Variants in OCA2 observed in about 807,000 individuals in gnomAD.
OCA2 encodes the protein P protein.
OCA2 carries 77 observed loss-of-function variants against 100.2 expected under a neutral mutation model. The observed-to-expected ratio is 0.77, with a 90% CI of 0.64 to 0.93. The LOEUF (loss-of-function observed/expected upper bound fraction) is 0.93, where lower values mean the gene tolerates loss of function less well. OCA2 is among the 40% of genes least tolerant of loss of function. The pLI, the probability that OCA2 is intolerant of heterozygous loss-of-function variation, is 0.00. For missense variants in OCA2, 1,062 were observed against 1,089.1 expected (o/e 0.98, Z 0.35); for synonymous variants, 432 against 439.2 (o/e 0.98, Z 0.21).
chr15:27,842,853 A>G (rs1326077639), intron 23 of OCA2, among the ~76,000 whole-genome samples: 2 of 152,220 alleles, frequency 1.3e-5, no homozygotes, highest in Non-Finnish European at 2.9e-5. Context: ...TAGGTGTGTC[A>G]CACACTGCAC....
intron 2 of OCA2, among the ~76,000 whole-genome samples, chr15:28,037,703 T>C (rs1462797006): frequency 6.6e-6 from 1 of 152,204 alleles, no homozygotes; most frequent in East Asian, 1.9e-4. Context: ...ATGATAACCC[T>C]GAAGGTAGAT....
At position 27,985,132 on chromosome 15, in the gene OCA2, G is replaced by A. The variant is rs768785628; in HGVS notation, c.1296C>T (p.Ile432=). ...CCAAGAAGGCAGAGAGGACGGCCGC[G>A]ATGAGACAGAGCATGATGATCATGG... The part of the protein sequence containing the change: ...VWAMIIMLCL[I]AAVLSAFLDN... Residue 432 remains isoleucine (I), a synonymous_variant, in exon 13 of 24, where the codon ATC becomes ATT. Coordinates refer to ENST00000354638, the MANE Select transcript of OCA2 (RefSeq NM_000275.3). 5.6e-6 allele frequency: 9 copies of A among 1,613,990 alleles called. No homozygotes were observed. Among genetic ancestry groups the A allele is most frequent in the Middle Eastern group, 1.6e-4 (1 of 6,062 alleles).
chr15:27,819,399 G>A (rs143769452), intron 23 of OCA2, among the ~76,000 whole-genome samples: 2 of 152,344 alleles, frequency 1.3e-5, no homozygotes, highest in East Asian at 3.9e-4. Flanking sequence ...CAGGGTTACA[G>A]TAGTCAAGGT....
chr15:27,871,819 AAGAAC>A (rs2036587590), intron 20 of OCA2, 39 bp downstream of exon 20: 1 of 1,314,186 alleles, frequency 7.6e-7, no homozygotes, highest in Non-Finnish European at 1.1e-6. Context: ...CACAAAATCA[AAGAAC>A]AGTGGCTGGA....
chr15:28,016,518 C>A (rs2042398639), intron 7 of OCA2, among the ~76,000 whole-genome samples: 2 of 152,224 alleles, frequency 1.3e-5, no homozygotes, highest in South Asian at 2.1e-4. Flanking sequence ...CTGGCTCACG[C>A]CTGTAATCCC....
intron 20 of OCA2, 124 bp downstream of exon 20, chr15:27,871,739 C>G (rs773387824): frequency 1.5e-4 from 112 of 750,814 alleles, no homozygotes; most frequent in Non-Finnish European, 2.5e-4. Flanking sequence ...GAACAGGTTC[C>G]CTGCTGTGCC....
chr15:27,997,098 GGA>G (rs371576354), intron 9 of OCA2, among the ~76,000 whole-genome samples: 377 of 33,838 alleles, frequency 0.011, 1 homozygote, highest in Non-Finnish European at 0.025. Flanking sequence ...AAGAAAGAAA[GGA>G]AGAAAGAAAA....
chr15:27,780,891 T>C (rs1466381726), intron 23 of OCA2, among the ~76,000 whole-genome samples: 2 of 152,218 alleles, frequency 1.3e-5, no homozygotes, highest in Admixed American at 1.3e-4. Flanking sequence ...CCATGGTTCA[T>C]ATTTGTATCT....
At chr15:27,937,445 T>A (rs1357754330) in intron 18 of OCA2, among the ~76,000 whole-genome samples, 1 of 152,246 alleles carries the variant, frequency 6.6e-6, no homozygotes, top group African/African-American at 2.4e-5. Context: ...AAGCAGAAGA[T>A]ATACATTGTT....
intron 23 of OCA2, among the ~76,000 whole-genome samples, chr15:27,777,165 C>G (rs1278803259): frequency 6.6e-6 from 1 of 152,144 alleles, no homozygotes; most frequent in Non-Finnish European, 1.5e-5. Flanking sequence ...CAGGGTGGCT[C>G]TAGCAACCCC....
At chr15:27,728,500 C>A in the OCA2 span, among the ~76,000 whole-genome samples, 1 of 151,982 alleles carries the variant, frequency 6.6e-6, no homozygotes, top group African/African-American at 2.4e-5. Context: ...TTTGCTCTTT[C>A]CATCCCTTTC....
chr15:28,050,628 C>T (rs1286049851), intron 2 of OCA2, among the ~76,000 whole-genome samples: 2 of 151,410 alleles, frequency 1.3e-5, no homozygotes, highest in Non-Finnish European at 2.9e-5. Flanking sequence ...AATGAGCATA[C>T]GCACGCATCC....
At position 27,951,813 on chromosome 15, in the gene OCA2, G is replaced by A. The variant is rs868238523; in HGVS notation, c.1922C>T (p.Ser641Leu). ...ATCAAGATGAATGCCAGGGACAAACGAATTGAGGAAAAACATGAAGATAAC... is the reference window on the plus strand; with the variant it reads ...ATCAAGATGAATGCCAGGGACAAACAAATTGAGGAAAAACATGAAGATAAC... ...GFVIFMFFLN[S>L]FVPGIHLDLG... is the part of the protein sequence containing the mutation. Residue 641 changes from serine (S) to leucine (L), a missense_variant, in exon 18 of 24, where the codon TCG becomes TTG. By Grantham distance (145) the Ser-to-Leu change is moderately radical. Transcript: ENST00000354638. 5.0e-6 allele frequency: 8 copies of A among 1,613,386 alleles called. No individual in the cohort carries two copies. Among genetic ancestry groups the A allele is most frequent in the East Asian group, 2.2e-5 (1 of 44,872 alleles).
chr15:27,757,515 C>A (rs1381219671), intron 23 of OCA2, among the ~76,000 whole-genome samples: 4 of 152,216 alleles, frequency 2.6e-5, no homozygotes, highest in African/African-American at 9.6e-5. Flanking sequence ...TTGGAATATT[C>A]TTCTGGCTTC....
rs1377400489 is a variant in OCA2, at chr15:27,983,444, C to G, written c.1404G>C (p.Leu468=). 4 of 1,614,224 alleles carry G rather than the reference C, an allele frequency of 2.5e-6. No homozygotes were observed. Among genetic ancestry groups the G allele is most frequent in the Admixed American group, 1.7e-5 (1 of 60,024 alleles). Residue 468 remains leucine (L), a synonymous_variant, in exon 14 of 24, where the codon CTG becomes CTC. Transcript: ENST00000354638. ...TGTTTGTGAAGATCACTTCTGCAAT[C>G]AGGACTTGTCTTGGATCAAGGTTGA... is the stretch of plus-strand genomic sequence containing the variant. ...EVLNLDPRQV[L]IAEVIFTNIG...
At chr15:28,018,696 C>T (rs984129023) in intron 6 of OCA2, 139 bp from the exon 7 acceptor site, 9 of 767,576 alleles carry the variant, frequency 1.2e-5, no homozygotes, top group Non-Finnish European at 1.8e-5. Context: ...GCCATTAACA[C>T]GATCTTCCTG....
chr15:28,061,239 C>T (rs1226375841), intron 2 of OCA2, among the ~76,000 whole-genome samples: 4 of 152,098 alleles, frequency 2.6e-5, no homozygotes, highest in African/African-American at 9.7e-5. Flanking sequence ...GAAAGCCGAC[C>T]CCAACATGCA....
chr15:27,792,667 C>T (rs185099617), intron 23 of OCA2, among the ~76,000 whole-genome samples: 17 of 152,292 alleles, frequency 1.1e-4, no homozygotes, highest in Admixed American at 5.9e-4. Flanking sequence ...CCAGCATTCC[C>T]GGGTGTACCT....
At chr15:27,987,821 G>A (rs543324262) in intron 11 of OCA2, among the ~76,000 whole-genome samples, 8 of 152,232 alleles carry the variant, frequency 5.3e-5, no homozygotes, top group African/African-American at 1.9e-4. Context: ...TACTTTGTCA[G>A]GTTATGAAAA....
Sources: gnomAD v4.1 joint callset for allele counts (sites outside exome capture counted in the v4.1 genomes callset) on GRCh38, gnomAD v4.1.1 for gene constraint, MANE v1.5 for transcripts, NCBI Gene and HGNC (gene_info 2026-07-23, HGNC 2026-07-21) for gene names.